INTS1: variants seen among roughly 807,000 people sequenced by gnomAD.
INTS1 encodes the protein integrator complex subunit 1.
Under a neutral mutation model 241.6 loss-of-function variants are expected in INTS1, and 137 were observed. The ratio of observed to expected loss-of-function variants is 0.57; its 90% CI spans 0.49 to 0.65. The LOEUF (loss-of-function observed/expected upper bound fraction) is 0.65. Ranked by LOEUF, INTS1 falls within the 30% of genes least tolerant of loss-of-function variation. The probability of loss-of-function intolerance (pLI) is 0.00; values close to 1 mark genes in which losing one functional copy is unlikely to be tolerated. For synonymous variants in INTS1, 1,692 were observed against 1,337.8 expected (o/e 1.26, Z -5.78); for missense variants, 3,073 against 3,032.2 (o/e 1.01, Z -0.32).
Position 1,481,027 on chromosome 7 carries a change from A to G in INTS1, c.3851-94T>C, listed in dbSNP as rs992868882. 1.1e-6 allele frequency: 1 copy of G among 903,578 alleles called. No homozygotes were observed. Among genetic ancestry groups the G allele is most frequent in the Non-Finnish European group, 1.8e-6 (1 of 567,756 alleles). 56.0% of individuals were successfully genotyped at this position (903,578 alleles called of 1,614,324 possible). ...AGAAACCAGAGTTGGAGATGCCCCC[A>G]CCGTCACCAGCACTTCCCAAGGACT... On this transcript the variant is annotated intron_variant, in intron 28 of 47. Transcript: ENST00000404767. This position sits in a 1 kb window ranked among gnomAD's most constrained non-coding sequence, Gnocchi z 6.8.
intron 42 of INTS1, 52 bp downstream of exon 42, chr7:1,473,514 G>A (rs988974119): frequency 3.9e-5 from 60 of 1,549,226 alleles, no homozygotes; most frequent in Non-Finnish European, 4.6e-5. Context: ...TCCAGACCCC[G>A]CTGGACCCTC....
Position 1,503,210 on chromosome 7 carries a change from G to A in INTS1, c.59-19C>T. On this transcript the variant is annotated intron_variant, in intron 2 of 47. Transcript: ENST00000404767. ...GGGTGCCCTGCAGAGAAAGGAGAGA[G>A]AAAACCGGGCACATTTGCAACACCC... The A allele has an allele frequency of 6.6e-7, 1 of 1,517,826 alleles. No individual in the cohort carries two copies. The highest frequency in any genetic ancestry group is 1.4e-5 in the African/African-American group (1 of 71,842). 94.0% of individuals were successfully genotyped at this position (1,517,826 alleles called of 1,614,324 possible).
In INTS1 at chr7:1,477,811, G is replaced by C. The variant is rs1490015745; in HGVS notation, c.4756C>G (p.Leu1586Val). The C allele has an allele frequency of 6.2e-7, 1 of 1,612,598 alleles. No individual in the cohort carries two copies. The highest frequency in any genetic ancestry group is 8.5e-7 in the Non-Finnish European group (1 of 1,179,850). The change falls in exon 34 of 48, where the codon CTG becomes GTG. Residue 1586 changes from leucine to valine, a missense_variant. By Grantham distance (32) the Leu-to-Val change is conservative. Coordinates refer to ENST00000404767, the MANE Select transcript of INTS1 (RefSeq NM_001080453.3). ...AGGGGCTCCTCCTCCTGCAGCAGCA[G>C]GGAGCTCACCACCACAACGGGCTTA... ...ACKPVVVVSS[L>V]LLQEEEPLAG...
At chr7:1,480,169 C>G in intron 30 of INTS1, 148 bp downstream of exon 30, 1 of 902,210 alleles carries the variant, frequency 1.1e-6, no homozygotes, top group Non-Finnish European at 1.6e-6. Context: ...GTCAGGCGGT[C>G]ACGCGTGTAA....
At position 1,493,901 on chromosome 7, in the gene INTS1, G is replaced by A. The variant is rs748593858; in HGVS notation, c.1921C>T (p.Arg641Cys). The A allele has an allele frequency of 3.8e-6, 6 of 1,560,954 alleles. No individual in the cohort carries two copies. Among genetic ancestry groups the A allele is most frequent in the East Asian group, 4.8e-5 (2 of 41,458 alleles). Reference sequence around the variant, plus strand: ...AAAATGGGCACCTCGGAGCACAGACGCAGGAAGAAGCTGCGGGGTGGGGGA... The same window carrying A: ...AAAATGGGCACCTCGGAGCACAGACACAGGAAGAAGCTGCGGGGTGGGGGA... Reference protein sequence around the residue: ...PPESDRNFFLRLCSEVPILED... With the variant: ...PPESDRNFFLCLCSEVPILED... The change falls in exon 15 of 48, where the codon CGT (arginine) becomes TGT (cysteine). Residue 641 changes from arginine to cysteine, a missense_variant. Coordinates refer to ENST00000404767, the MANE Select transcript of INTS1 (RefSeq NM_001080453.3). The surrounding 1 kb of genome is among the most constrained non-coding windows in gnomAD (Gnocchi z 5.3).
intron 13 of INTS1, 78 bp from the exon 14 acceptor site, chr7:1,494,971 C>T: frequency 6.6e-7 from 1 of 1,507,764 alleles, no homozygotes; most frequent in Non-Finnish European, 8.9e-7. Flanking sequence ...GGAAGGGACC[C>T]CGCTCCCACG....
rs370459354 is a variant in INTS1, at chr7:1,497,254, G to T, written c.1486C>A (p.Arg496=). The stretch of plus-strand genomic sequence containing the variant: ...TTGATGATCTCCCGCAGCAGGGCCC[G>T]CGAGGCCCGCAGGTAGTCGTCCTTG... ...TNKDDYLRAS[R]ALLREIIKQT... is the part of the protein sequence containing the mutation. Residue 496 remains arginine (R), a synonymous_variant, in exon 11 of 48, where the codon CGG becomes AGG. Coordinates refer to ENST00000404767, the MANE Select transcript of INTS1 (RefSeq NM_001080453.3). This position sits in a 1 kb window ranked among gnomAD's most constrained non-coding sequence, Gnocchi z 5.3. The T allele has an allele frequency of 5.0e-6, 8 of 1,613,448 alleles. No individual in the cohort carries two copies. Among genetic ancestry groups the T allele is most frequent in the East Asian group, 2.2e-5 (1 of 44,772 alleles).
Position 1,474,777 on chromosome 7 carries a change from A to G in INTS1, c.5564T>C (p.Leu1855Ser). 1.9e-6 allele frequency: 3 copies of G among 1,579,366 alleles called. No homozygotes were observed. The highest frequency in any genetic ancestry group is 2.6e-6 in the Non-Finnish European group (3 of 1,165,092). The change falls in exon 40 of 48, where the codon TTG (leucine) becomes TCG (serine). Residue 1855 changes from leucine (L) to serine (S), a missense_variant. Leu to Ser is a moderately radical substitution (Grantham distance 145). Transcript: ENST00000404767. ...GCTGGCATCCGCCCCTCGGTTCTCC[A>G]ACGCCCGGGAGTCGCTGGTGTCCGC... ...LLADTSDSRA[L>S]ENRGADASMA...
At chr7:1,499,187 G>A (rs1212558931) in intron 7 of INTS1, 26 bp from the exon 8 acceptor site, 7 of 1,605,294 alleles carry the variant, frequency 4.4e-6, no homozygotes, top group African/African-American at 1.3e-5. Context: ...GAGCGAGGAG[G>A]GAGGAAGGTG....
In INTS1 at chr7:1,476,757, T is replaced by A. The variant is rs751775177; in HGVS notation, c.5063+37A>T. 4.3e-6 allele frequency: 7 copies of A among 1,612,476 alleles called. No homozygotes were observed. The Admixed American group carries it at 1.2e-4, about 27-fold the overall frequency. On this transcript the variant is annotated intron_variant, in intron 36 of 47. Transcript: ENST00000404767. Reference sequence around the variant, plus strand: ...GGGAGATTTCTGGTGAAGGCCAGTATGCGCGCAGCCCAGGTTGGGGACAGG... The same window carrying A: ...GGGAGATTTCTGGTGAAGGCCAGTAAGCGCGCAGCCCAGGTTGGGGACAGG...
intron 16 of INTS1, among the ~76,000 whole-genome samples, chr7:1,490,806 C>T (rs1782511918): frequency 6.6e-6 from 1 of 152,212 alleles, no homozygotes; most frequent in Admixed American, 6.5e-5. Flanking sequence ...AACGTACTTC[C>T]CAATTGTAAA....
chr7:1,486,616 C>A lies in INTS1; in HGVS notation c.2976+9G>T, dbSNP rs1782277816. 6.2e-7 allele frequency: 1 copy of A among 1,610,150 alleles called. No individual in the cohort carries two copies. On this transcript the variant is annotated intron_variant, in intron 22 of 47. Coordinates refer to ENST00000404767, the MANE Select transcript of INTS1 (RefSeq NM_001080453.3). The stretch of plus-strand genomic sequence containing the variant: ...GAGCGTGCGCAGAAAGACCCGCCCA[C>A]CACCTCACCTTCATGGCCAGCACGC...
Position 1,475,969 on chromosome 7 carries a change from A to T in INTS1, c.5481T>A (p.Ala1827=), listed in dbSNP as rs755042143. 10 of 1,542,364 alleles carry T rather than the reference A, an allele frequency of 6.5e-6. No individual in the cohort carries two copies. The highest frequency in any genetic ancestry group is 8.7e-6 in the Non-Finnish European group (10 of 1,145,476). ...TCACCTTGCAGACGCTGCTGCTGGC[A>T]GCCCCTTCGCTGTGCAGTAGGACCT... ...VPEVLLHSEG[A]ASSSVCKLDG... is the part of the protein sequence containing the mutation. Residue 1827 remains alanine (A), a synonymous_variant, in exon 39 of 48, where the codon GCT becomes GCA. Coordinates refer to ENST00000404767, the MANE Select transcript of INTS1 (RefSeq NM_001080453.3).
chr7:1,503,865 A>AAAGGCCCCCC, intron 2 of INTS1, 38 bp downstream of exon 2: 1 of 1,422,142 alleles, frequency 7.0e-7, no homozygotes, highest in South Asian at 1.2e-5. Flanking sequence ...AAAGACCCCC[A>AAAGGCCCCCC]AAGACCCCCG....
At chr7:1,489,486 T>C (rs1482411675) in intron 17 of INTS1, 82 bp from the exon 18 acceptor site, 30 of 1,545,188 alleles carry the variant, frequency 1.9e-5, no homozygotes, top group Non-Finnish European at 2.6e-5. Context: ...GCTCCTCCTC[T>C]CATCCCCAGC....
chr7:1,483,850 C>T lies in INTS1; in HGVS notation c.3433G>A (p.Glu1145Lys). Residue 1145 changes from glutamate to lysine, a missense_variant, in exon 26 of 48, where the codon GAG becomes AAG. Transcript: ENST00000404767. ...CGTAGGAAGACCTGGTCCTGAGACTCCGACTGTGGGAAAAGAGGTGGAGTC... is the reference window on the plus strand; with the variant it reads ...CGTAGGAAGACCTGGTCCTGAGACTTCGACTGTGGGAAAAGAGGTGGAGTC... Reference protein sequence around the residue: ...KEGEEVYSWSESQDQVFLRWS... With the variant: ...KEGEEVYSWSKSQDQVFLRWS... 6.2e-7 allele frequency: 1 copy of T among 1,607,858 alleles called. No homozygotes were observed. The highest frequency in any genetic ancestry group is 8.5e-7 in the Non-Finnish European group (1 of 1,175,558).
In INTS1 at chr7:1,478,445, G is replaced by C; in HGVS notation, c.4551C>G (p.Val1517=). Residue 1517 remains valine (V), a synonymous_variant, in exon 33 of 48, where the codon GTC becomes GTG. Coordinates refer to ENST00000404767, the MANE Select transcript of INTS1 (RefSeq NM_001080453.3). ...ALAFRQDLEV[V]SSTVRAVIAT... ...CGATGACGGCACGGACGGTGGAGCT[G>C]ACCACCTCCAGGTCCTGACGGAAGG... The C allele has an allele frequency of 6.2e-7, 1 of 1,612,510 alleles. No homozygotes were observed. Among genetic ancestry groups the C allele is most frequent in the Non-Finnish European group, 8.5e-7 (1 of 1,179,776 alleles).
intron 34 of INTS1, 31 bp from the exon 35 acceptor site, chr7:1,477,704 T>C: frequency 6.2e-7 from 1 of 1,604,138 alleles, no homozygotes. Context: ...AGGGAAGGGC[T>C]GGTGCCACCC....
chr7:1,488,653 G>A (rs1483775113), intron 18 of INTS1, among the ~76,000 whole-genome samples: 7 of 152,122 alleles, frequency 4.6e-5, no homozygotes, highest in Non-Finnish European at 7.4e-5. Context: ...CACAATACCA[G>A]GGCCACACAC....
Sources: gnomAD v4.1 joint callset for allele counts (sites outside exome capture counted in the v4.1 genomes callset) on GRCh38, gnomAD v4.1.1 for gene constraint, Gnocchi (gnomAD v3.1) non-coding constraint, MANE v1.5 for transcripts, NCBI Gene and HGNC (gene_info 2026-07-23, HGNC 2026-07-21) for gene names.